Variants in PRICKLE2 observed in about 807,000 individuals in gnomAD.
PRICKLE2 encodes prickle planar cell polarity protein 2, also known as prickle-like protein 2.
Under a neutral mutation model 81.4 loss-of-function variants are expected in PRICKLE2, and 21 were observed. That is an observed-to-expected ratio of 0.26 (90% CI 0.18 to 0.37). The LOEUF is 0.37. PRICKLE2 is among the 10% of genes least tolerant of loss of function. The probability of loss-of-function intolerance (pLI) is 1.00; values close to 1 mark genes in which losing one functional copy is unlikely to be tolerated. For missense variants in PRICKLE2, 940 were observed against 1,109.0 expected, an observed-to-expected ratio of 0.85 and a Z score of 2.16; for synonymous variants, 456 against 421.5, an observed-to-expected ratio of 1.08 and a Z score of -1.00.
rs147319460 is a variant in PRICKLE2, at chr3:64,142,234, T to G, written c.1660+4596A>C. 3.3e-5 allele frequency among the ~76,000 whole-genome samples: 5 copies of G among 152,118 alleles called. No homozygotes were observed. In the East Asian group the frequency reaches 9.6e-4, roughly 29 times the overall value. The stretch of plus-strand genomic sequence containing the variant: ...TAGAAACGCACACAAAATGACTTTC[T>G]TTAATTCCCTGTTTTTCATGGTTTT... On this transcript the variant is annotated intron_variant, in intron 7 of 7. Transcript: ENST00000638394.
At chr3:64,202,122 C>G (rs2078593399) in intron 1 of PRICKLE2, among the ~76,000 whole-genome samples, 1 of 152,208 alleles carries the variant, frequency 6.6e-6, no homozygotes. Context: ...ACCACACTGT[C>G]TGGATGACTG....
Position 64,225,425 on chromosome 3 carries a change from C to T in PRICKLE2, c.-556G>A, listed in dbSNP as rs1006837933. 6.1e-6 allele frequency: 6 copies of T among 985,084 alleles called. No individual in the cohort carries two copies. The highest frequency in any genetic ancestry group is 1.7e-5 in the African/African-American group (1 of 57,144). The allele number at this position is 985,084 out of a possible 1,614,324, so 61.0% of individuals were successfully genotyped here. A position where few individuals can be genotyped will look rare whatever the true frequency, so the allele number is the denominator to read the frequency against. ...TTGGTCAAAAAATAATAATAACTCTCGGTGGCGCTGCTGGTGGTGCCTGAG... is the reference window on the plus strand; with the variant it reads ...TTGGTCAAAAAATAATAATAACTCTTGGTGGCGCTGCTGGTGGTGCCTGAG... On this transcript the variant is annotated 5_prime_UTR_variant, in exon 1 of 8. Coordinates refer to ENST00000638394, the MANE Select transcript of PRICKLE2 (RefSeq NM_198859.4).
rs147502844 is a variant in PRICKLE2 at position 64,137,182 on chromosome 3, T to G, written c.1660+9648A>C. ...TTCTGTGTTTTCCTTACTCTCCATATTTTAAAAACTAAATGGCTTGAGTTT... is the reference window on the plus strand; with the variant it reads ...TTCTGTGTTTTCCTTACTCTCCATAGTTTAAAAACTAAATGGCTTGAGTTT... On this transcript the variant is annotated intron_variant, in intron 7 of 7. Transcript: ENST00000638394. Among the ~76,000 whole-genome samples, 452 of 152,308 alleles carry G rather than the reference T, an allele frequency of 3.0e-3. 2 individuals carry two copies. The highest frequency in any genetic ancestry group is 9.4e-3 in the African/African-American group (390 of 41,568).
At chr3:64,253,823 GA>G (rs1553662644) in intron 2 of PRICKLE2, among the ~76,000 whole-genome samples, 2 of 152,070 alleles carry the variant, frequency 1.3e-5, no homozygotes, top group Admixed American at 1.3e-4. Context: ...AGTGACCTTG[GA>G]AAAAAATCAA....
intron 7 of PRICKLE2, among the ~76,000 whole-genome samples, chr3:64,104,974 T>TA (rs1475152595): frequency 6.6e-6 from 1 of 152,174 alleles, no homozygotes; most frequent in Non-Finnish European, 1.5e-5. Context: ...CTAGAATCCT[T>TA]ACGCAGACCT....
At chr3:64,148,851 C>T (rs1350122090) in intron 6 of PRICKLE2, among the ~76,000 whole-genome samples, 1 of 152,216 alleles carries the variant, frequency 6.6e-6, no homozygotes, top group African/African-American at 2.4e-5. Flanking sequence ...GCTTTCAGAA[C>T]TGTCAGCAAT....
chr3:64,110,196 G>C (rs1190272131), intron 7 of PRICKLE2, among the ~76,000 whole-genome samples: 1 of 152,156 alleles, frequency 6.6e-6, no homozygotes, highest in Non-Finnish European at 1.5e-5. Context: ...GCCAGAGTTT[G>C]CTCTGGGTTT....
chr3:64,128,500 C>T (rs924984012), intron 7 of PRICKLE2, among the ~76,000 whole-genome samples: 2 of 152,096 alleles, frequency 1.3e-5, no homozygotes, highest in African/African-American at 4.8e-5. Flanking sequence ...GTAATCCTAA[C>T]ACTTTGGGAG....
chr3:64,247,448 G>A (rs370643925), intron 2 of PRICKLE2, among the ~76,000 whole-genome samples: 1 of 151,816 alleles, frequency 6.6e-6, no homozygotes, highest in Non-Finnish European at 1.5e-5. Flanking sequence ...TATTCTCAGG[G>A]GATAAAGACA....
intron 2 of PRICKLE2, among the ~76,000 whole-genome samples, chr3:64,178,971 CTT>C (rs1252942686): frequency 3.8e-5 from 2 of 52,900 alleles, no homozygotes; most frequent in African/African-American, 8.3e-5. Flanking sequence ...TATTTTCTTT[CTT>C]TCTTTCTTTC....
At chr3:64,248,593 C>T (rs942698159) in intron 2 of PRICKLE2, among the ~76,000 whole-genome samples, 3 of 151,934 alleles carry the variant, frequency 2.0e-5, no homozygotes, top group African/African-American at 7.2e-5. Context: ...TTAAGACAAA[C>T]CCAGCTGGAA....
chr3:64,252,804 C>A (rs1352509250), intron 2 of PRICKLE2, among the ~76,000 whole-genome samples: 2 of 152,190 alleles, frequency 1.3e-5, no homozygotes, highest in African/African-American at 4.8e-5. Flanking sequence ...TATTAAGGGT[C>A]AGGATCAATA....
At chr3:64,229,129 A>C (rs1185936995), upstream of PRICKLE2, among the ~76,000 whole-genome samples, 1 of 152,212 alleles carries the variant, frequency 6.6e-6, no homozygotes, top group Non-Finnish European at 1.5e-5. Flanking sequence ...GTAGGAAGGA[A>C]AATTATGAAC....
chr3:64,239,952 CAAAAAAA>C (rs57932723), intron 2 of PRICKLE2, among the ~76,000 whole-genome samples: 31 of 32,248 alleles, frequency 9.6e-4, no homozygotes, highest in African/African-American at 2.9e-3. Context: ...CCATCGCTAC[CAAAAAAA>C]AAAAAAAAAA....
chr3:64,180,545 T>TTTC (rs1391459386), intron 2 of PRICKLE2, among the ~76,000 whole-genome samples: 1 of 151,522 alleles, frequency 6.6e-6, no homozygotes, highest in East Asian at 1.9e-4. Flanking sequence ...AGAATGATTT[T>TTTC]TTTTTTTAAT....
At chr3:64,125,235 T>G (rs1197642437) in intron 7 of PRICKLE2, among the ~76,000 whole-genome samples, 1 of 152,168 alleles carries the variant, frequency 6.6e-6, no homozygotes, top group African/African-American at 2.4e-5. Flanking sequence ...TTTTTATGGA[T>G]GAGAGAAGAA....
chr3:64,266,396 T>A (rs970194454), intron 2 of PRICKLE2, among the ~76,000 whole-genome samples: 5 of 152,170 alleles, frequency 3.3e-5, no homozygotes, highest in African/African-American at 1.2e-4. Flanking sequence ...GAAACTTCCA[T>A]CCAGTCAACA....
intron 7 of PRICKLE2, among the ~76,000 whole-genome samples, chr3:64,113,377 C>T (rs139476979): frequency 1.3e-3 from 195 of 152,286 alleles, no homozygotes; most frequent in African/African-American, 4.5e-3. Flanking sequence ...AGTCTGTTGG[C>T]CTCTTCTGGG....
chr3:64,115,876 A>G (rs12107938), intron 7 of PRICKLE2, among the ~76,000 whole-genome samples: 1 of 152,106 alleles, frequency 6.6e-6, no homozygotes, highest in Non-Finnish European at 1.5e-5. Context: ...CTCTCCACCC[A>G]AAAAAACAGA....
Sources: allele counts gnomAD v4.1 joint callset (sites outside exome capture counted in the v4.1 genomes callset), GRCh38; gene constraint gnomAD v4.1.1; transcripts MANE v1.5; gene names NCBI Gene and HGNC (gene_info 2026-07-23, HGNC 2026-07-21).